WDR70: variants seen among roughly 807,000 people sequenced by gnomAD.
The protein encoded by WDR70 is WD repeat domain 70, also known as WD repeat-containing protein 70.
Under a neutral mutation model 88.6 loss-of-function variants are expected in WDR70, and 53 were observed. The ratio of observed to expected loss-of-function variants is 0.60; its 90% confidence interval spans 0.48 to 0.75. The LOEUF (loss-of-function observed/expected upper bound fraction) is 0.75, where lower values mean the gene tolerates loss of function less well. Ranked by LOEUF, WDR70 falls within the 30% of genes least tolerant of loss-of-function variation. WDR70 has a pLI of 0.00. For synonymous variants in WDR70, 280 were observed against 270.0 expected, an observed-to-expected ratio of 1.04 and a Z score of -0.36; for missense variants, 610 against 823.2, an observed-to-expected ratio of 0.74 and a Z score of 3.17.
chr5:37,393,610 C>T (rs891255512), intron 4 of WDR70, among the ~76,000 whole-genome samples: 4 of 151,800 alleles, frequency 2.6e-5, no homozygotes, highest in Non-Finnish European at 5.9e-5. Flanking sequence ...TTTATTGACC[C>T]TTTGGTCATT....
chr5:37,655,412 A>G (rs1289031424), intron 10 of WDR70, among the ~76,000 whole-genome samples: 1 of 152,020 alleles, frequency 6.6e-6, no homozygotes, highest in Admixed American at 6.5e-5. Context: ...TCTAACGATT[A>G]TGTGTGTTGG....
chr5:37,608,038 CTTTTTT>C (rs11295618), intron 10 of WDR70, among the ~76,000 whole-genome samples: 6 of 100,602 alleles, frequency 6.0e-5, no homozygotes, highest in East Asian at 2.7e-4. Context: ...CTGCAACACT[CTTTTTT>C]TTTTTTTTTT....
intron 8 of WDR70, among the ~76,000 whole-genome samples, chr5:37,484,754 T>A (rs1201302152): frequency 1.3e-5 from 2 of 152,240 alleles, no homozygotes; most frequent in Non-Finnish European, 2.9e-5. Context: ...GTTCTTGGCT[T>A]GGTGAGGCTG....
chr5:37,492,678 GAATAT>G (rs1740101345), intron 8 of WDR70, among the ~76,000 whole-genome samples: 1 of 152,136 alleles, frequency 6.6e-6, no homozygotes, highest in Non-Finnish European at 1.5e-5. Flanking sequence ...TGATGAATTT[GAATAT>G]ATAGGCAAGG....
At chr5:37,653,630 C>G (rs1039595436) in intron 10 of WDR70, among the ~76,000 whole-genome samples, 1 of 152,130 alleles carries the variant, frequency 6.6e-6, no homozygotes, top group Non-Finnish European at 1.5e-5. Context: ...TGTTATTGGT[C>G]TATTCAGGAA....
At chr5:37,382,904 T>C (rs1168145387) in intron 3 of WDR70, among the ~76,000 whole-genome samples, 1 of 151,436 alleles carries the variant, frequency 6.6e-6, no homozygotes, top group East Asian at 2.0e-4. Flanking sequence ...TCCCAGCTAG[T>C]AGGGAGGGTG....
chr5:37,573,333 A>G (rs1742962452), intron 9 of WDR70, among the ~76,000 whole-genome samples: 1 of 152,166 alleles, frequency 6.6e-6, no homozygotes, highest in Non-Finnish European at 1.5e-5. Context: ...AACAGTAAGA[A>G]TAACAAAAGG....
chr5:37,663,371 AT>A (rs1292748229), intron 10 of WDR70, among the ~76,000 whole-genome samples: 1 of 151,988 alleles, frequency 6.6e-6, no homozygotes, highest in African/African-American at 2.4e-5. Context: ...ACTGTGCTTT[AT>A]TTTCTGTTTT....
chr5:37,676,365 G>A (rs371906882), intron 10 of WDR70, among the ~76,000 whole-genome samples: 6 of 151,126 alleles, frequency 4.0e-5, no homozygotes, highest in Non-Finnish European at 4.4e-5. Flanking sequence ...GATATTGGCT[G>A]TGGGTTTGTC....
intron 13 of WDR70, among the ~76,000 whole-genome samples, chr5:37,707,292 C>T (rs2112668954): frequency 6.6e-6 from 1 of 152,190 alleles, no homozygotes; most frequent in East Asian, 1.9e-4. Flanking sequence ...GGTCTCTGTA[C>T]CTCATTCACT....
At chr5:37,424,118 C>A (rs1170953487) in intron 5 of WDR70, among the ~76,000 whole-genome samples, 1 of 133,400 alleles carries the variant, frequency 7.5e-6, no homozygotes, top group East Asian at 2.2e-4. Flanking sequence ...CACTGCATTC[C>A]AGCCGTGGCG....
chr5:37,565,195 T>C (rs1742701885), intron 9 of WDR70, among the ~76,000 whole-genome samples: 1 of 152,148 alleles, frequency 6.6e-6, no homozygotes, highest in Admixed American at 6.5e-5. Flanking sequence ...AATATTACTG[T>C]AGTTTTTGTG....
intron 9 of WDR70, among the ~76,000 whole-genome samples, chr5:37,520,337 ATTAAT>A (rs1399133434): frequency 6.6e-6 from 1 of 152,124 alleles, no homozygotes; most frequent in African/African-American, 2.4e-5. Flanking sequence ...AATTTAAAAA[ATTAAT>A]TTGATCTAAA....
chr5:37,564,280 T>C (rs897408222), intron 9 of WDR70, among the ~76,000 whole-genome samples: 5 of 152,172 alleles, frequency 3.3e-5, no homozygotes, highest in Non-Finnish European at 7.3e-5. Flanking sequence ...TCCCGGCACC[T>C]CGGGAGGCCG....
At chr5:37,501,265 A>C (rs1256746983) in intron 8 of WDR70, among the ~76,000 whole-genome samples, 1 of 152,122 alleles carries the variant, frequency 6.6e-6, no homozygotes, top group Admixed American at 6.5e-5. Flanking sequence ...AAGTTTAATT[A>C]GTTCCCATTT....
intron 5 of WDR70, among the ~76,000 whole-genome samples, chr5:37,435,504 G>T (rs1750440115): frequency 6.6e-6 from 1 of 152,048 alleles, no homozygotes; most frequent in Non-Finnish European, 1.5e-5. Flanking sequence ...TCTGAAAGAG[G>T]TATGTGCAGC....
At chr5:37,587,762 A>G (rs1743403774) in intron 9 of WDR70, among the ~76,000 whole-genome samples, 1 of 149,872 alleles carries the variant, frequency 6.7e-6, no homozygotes, top group South Asian at 2.1e-4. Flanking sequence ...ATTTCTGTGA[A>G]GGCAAAAGCC....
chr5:37,493,322 A>C (rs1442121274), intron 8 of WDR70, among the ~76,000 whole-genome samples: 1 of 152,170 alleles, frequency 6.6e-6, no homozygotes, highest in African/African-American at 2.4e-5. Context: ...CAGCATTCCT[A>C]ATGCATTCCT....
At chr5:37,564,361 C>A (rs1742666274) in intron 9 of WDR70, among the ~76,000 whole-genome samples, 1 of 151,982 alleles carries the variant, frequency 6.6e-6, no homozygotes, top group Non-Finnish European at 1.5e-5. Flanking sequence ...CCGTCTCCAC[C>A]AAAAAAAATA....
Sources: allele counts gnomAD v4.1 joint callset (sites outside exome capture counted in the v4.1 genomes callset), GRCh38; gene constraint gnomAD v4.1.1; transcripts MANE v1.5; gene names NCBI Gene and HGNC (gene_info 2026-07-23, HGNC 2026-07-21).